RUBCN: variants seen among roughly 807,000 people sequenced by gnomAD.
The protein encoded by RUBCN is rubicon autophagy regulator, also known as run domain Beclin-1-interacting and cysteine-rich domain-containing protein.
Under a neutral mutation model 113.2 loss-of-function variants are expected in RUBCN, and 74 were observed. The observed-to-expected ratio is 0.65, with a 90% CI of 0.54 to 0.79. The LOEUF is 0.79. Among genes scored for constraint, RUBCN ranks in the 30% least tolerant of loss-of-function variants. The pLI, the probability that RUBCN is intolerant of heterozygous loss-of-function variation, is 0.00. For synonymous variants in RUBCN, 480 were observed against 490.0 expected, an observed-to-expected ratio of 0.98 and a Z score of 0.27; for missense variants, 1,109 against 1,251.7, an observed-to-expected ratio of 0.89 and a Z score of 1.72.
chr3:197,719,787 C>T (rs777230848), intron 1 of RUBCN, among the ~76,000 whole-genome samples: 3 of 152,132 alleles, frequency 2.0e-5, no homozygotes, highest in Non-Finnish European at 4.4e-5. Flanking sequence ...ACATAGCTAC[C>T]GTATTTAGTG....
At position 197,675,122 on chromosome 3, in the gene RUBCN, G is replaced by A. The variant is rs766142943; in HGVS notation, c.2815C>T (p.Arg939Trp). 2.5e-6 allele frequency: 4 copies of A among 1,613,786 alleles called. No homozygotes were observed. The highest frequency in any genetic ancestry group is 3.4e-6 in the Non-Finnish European group (4 of 1,180,032). ...CPRCERLQAR[R>W]EALARQSLES... is the part of the protein sequence containing the mutation. ...AGGCTCTGCCTGGCCAGTGCCTCCC[G>A]CCGGGCCTGCAGCCGCTCGCAGCGC... The change falls in exon 20 of 20, where the codon CGG (arginine) becomes TGG (tryptophan). Residue 939 changes from arginine (R) to tryptophan (W), a missense_variant. Coordinates refer to ENST00000296343, the MANE Select transcript of RUBCN (RefSeq NM_014687.4). The surrounding 1 kb of genome is among the most constrained non-coding windows in gnomAD (Gnocchi z 4.4).
At chr3:197,730,862 TTTTTTTCATATTTTAAAAGCATC>T (rs1560471224) in intron 1 of RUBCN, among the ~76,000 whole-genome samples, 3 of 151,072 alleles carry the variant, frequency 2.0e-5, no homozygotes, top group African/African-American at 7.3e-5. Context: ...AAAATATCTT[TTTTTTTCATATTTTAAAAGCATC>T]TTTTTTTTTT....
Position 197,682,416 on chromosome 3 carries a change from C to T in RUBCN, c.2126+54G>A, listed in dbSNP as rs924497576. 11 of 1,608,774 alleles carry T rather than the reference C, an allele frequency of 6.8e-6. No homozygotes were observed. The African/African-American group carries it at 8.0e-5, about 12-fold the overall frequency. On this transcript the variant is annotated intron_variant, in intron 14 of 19. Coordinates refer to ENST00000296343, the MANE Select transcript of RUBCN (RefSeq NM_014687.4). Reference sequence around the variant, plus strand: ...CAAGTGGGTGAGACGAAAACCCTGACAATCCAAAGAGGACGGATCTGTGCT... The same window carrying T: ...CAAGTGGGTGAGACGAAAACCCTGATAATCCAAAGAGGACGGATCTGTGCT...
rs896268369 is a variant in RUBCN at position 197,694,498 on chromosome 3, C to T, written c.1561G>A (p.Glu521Lys). 3 of 1,614,122 alleles carry T rather than the reference C, an allele frequency of 1.9e-6. No individual in the cohort carries two copies. The highest frequency in any genetic ancestry group is 2.5e-6 in the Non-Finnish European group (3 of 1,180,040). The change falls in exon 10 of 20, where the codon GAG becomes AAG. Residue 521 changes from glutamate (E) to lysine (K), a missense_variant. Coordinates refer to ENST00000296343, the MANE Select transcript of RUBCN (RefSeq NM_014687.4). ...TCACTGTCTTCCTCTTCCACTTCCT[C>T]CTCCTCTAGGCACTGGCTCATCATG... Reference protein sequence around the residue: ...CNMMSQCLEEEEVEEEDSDRE... With the variant: ...CNMMSQCLEEKEVEEEDSDRE...
At chr3:197,741,052 G>A (rs1728507200), upstream of RUBCN, among the ~76,000 whole-genome samples, 1 of 152,168 alleles carries the variant, frequency 6.6e-6, no homozygotes, top group Non-Finnish European at 1.5e-5. Flanking sequence ...GGATATATGG[G>A]TATTCATTGC....
At chr3:197,744,623 A>T (rs1728662913) in intron 1 of RUBCN, among the ~76,000 whole-genome samples, 1 of 152,244 alleles carries the variant, frequency 6.6e-6, no homozygotes, top group Non-Finnish European at 1.5e-5. Context: ...TACTCCAATT[A>T]AACATGATAC....
chr3:197,684,207 G>A lies in RUBCN; in HGVS notation c.1797C>T (p.Ile599=). 1 of 1,613,556 alleles carries A rather than the reference G, an allele frequency of 6.2e-7. No individual in the cohort carries two copies. Among genetic ancestry groups the A allele is most frequent in the Non-Finnish European group, 8.5e-7 (1 of 1,179,496 alleles). Residue 599 remains isoleucine (I), a synonymous_variant, in exon 12 of 20, where the codon ATC becomes ATT. Transcript: ENST00000296343. ...TGCTGCTTGAGGCTGTGTTCCTTCT[G>A]ATGTCAGCATCTACATGGAAACCAG... ...VDEFEIQDAD[I]RRNTASSSKS... is the part of the protein sequence containing the mutation.
chr3:197,700,577 T>C, intron 7 of RUBCN, 36 bp downstream of exon 7: 2 of 1,610,934 alleles, frequency 1.2e-6, no homozygotes, highest in Non-Finnish European at 1.7e-6. Flanking sequence ...CAATTCAGGG[T>C]CATCTTGCTA....
chr3:197,723,064 T>C (rs1726343757), intron 1 of RUBCN, among the ~76,000 whole-genome samples: 1 of 152,222 alleles, frequency 6.6e-6, no homozygotes, highest in Non-Finnish European at 1.5e-5. Context: ...TTTTCTCTAG[T>C]AGTGTGCTTT....
intron 9 of RUBCN, 50 bp downstream of exon 9, chr3:197,695,816 G>T: frequency 1.3e-6 from 2 of 1,529,348 alleles, no homozygotes; most frequent in Non-Finnish European, 9.1e-7. Flanking sequence ...CAGACCTTCA[G>T]ACCCAATCTC....
chr3:197,742,943 G>T (rs1728585789), intron 1 of RUBCN, among the ~76,000 whole-genome samples: 1 of 152,220 alleles, frequency 6.6e-6, no homozygotes, highest in African/African-American at 2.4e-5. Context: ...AGTCAATCTA[G>T]AACCCCTGGT....
chr3:197,696,971 G>A lies in RUBCN; in HGVS notation c.1340C>T (p.Ser447Phe), dbSNP rs1380812927. Reference sequence around the variant, plus strand: ...GTACTCACCATATTCCATGTACAGAGAGCTGGGTGTGCTGACTTCACTGCT... The same window carrying A: ...GTACTCACCATATTCCATGTACAGAAAGCTGGGTGTGCTGACTTCACTGCT... ...GQSSEVSTPS[S>F]LYMEYEGGRY... Residue 447 changes from serine to phenylalanine, a missense_variant, in exon 8 of 20, where the codon TCT becomes TTT. Ser to Phe is a radical substitution (Grantham distance 155). Around this residue, in one of 3 missense-constraint regions of RUBCN, gnomAD observed 736 missense variants for 779.6 expected, o/e 0.94. Coordinates refer to ENST00000296343, the MANE Select transcript of RUBCN (RefSeq NM_014687.4). 6.3e-7 allele frequency: 1 copy of A among 1,599,446 alleles called. No individual in the cohort carries two copies. The highest frequency in any genetic ancestry group is 1.7e-5 in the Admixed American group (1 of 59,992).
intron 11 of RUBCN, among the ~76,000 whole-genome samples, chr3:197,685,352 C>T (rs1047716152): frequency 3.9e-5 from 6 of 152,144 alleles, no homozygotes; most frequent in South Asian, 2.1e-4. Context: ...GACACAATGA[C>T]CAATCTACCA....
At chr3:197,741,801 C>T (rs1728534508), upstream of RUBCN, among the ~76,000 whole-genome samples, 1 of 151,374 alleles carries the variant, frequency 6.6e-6, no homozygotes, top group South Asian at 2.1e-4. Context: ...CCAGAGATTG[C>T]ACCACTGCAA....
intron 11 of RUBCN, among the ~76,000 whole-genome samples, chr3:197,686,675 G>A (rs1004322852): frequency 2.0e-5 from 3 of 152,254 alleles, no homozygotes; most frequent in Non-Finnish European, 4.4e-5. Flanking sequence ...TGCCCATCTG[G>A]ATGGATTCAA....
chr3:197,674,947 G>A lies in RUBCN; in HGVS notation c.*71C>T, dbSNP rs1720178426. On this transcript the variant is annotated 3_prime_UTR_variant, in exon 20 of 20. Coordinates refer to ENST00000296343, the MANE Select transcript of RUBCN (RefSeq NM_014687.4). ...AAAAAAGAAGCCCCAGGTGGGGCGA[G>A]TCCTTCAAAGAGTGGCTCAGTTCTG... 5 of 1,319,750 alleles carry A rather than the reference G, an allele frequency of 3.8e-6. No homozygotes were observed. Among genetic ancestry groups the A allele is most frequent in the Non-Finnish European group, 5.2e-6 (5 of 952,426 alleles). 81.8% of individuals were successfully genotyped at this position (1,319,750 alleles called of 1,614,324 possible). A position where few individuals can be genotyped will look rare whatever the true frequency, so the allele number is the denominator to read the frequency against.
chr3:197,725,022 A>T (rs1726581841), intron 1 of RUBCN, among the ~76,000 whole-genome samples: 1 of 152,154 alleles, frequency 6.6e-6, no homozygotes, highest in Non-Finnish European at 1.5e-5. Context: ...CTACAAAAAA[A>T]CTAAAAAAAT....
At chr3:197,713,789 T>C (rs1047532091) in intron 2 of RUBCN, among the ~76,000 whole-genome samples, 22 of 151,722 alleles carry the variant, frequency 1.5e-4, no homozygotes, top group African/African-American at 5.3e-4. Context: ...TAAAAAAAAT[T>C]CCAGGCCAGG....
At chr3:197,678,889 G>A (rs1210454306) in intron 16 of RUBCN, among the ~76,000 whole-genome samples, 1 of 146,728 alleles carries the variant, frequency 6.8e-6, no homozygotes, top group Non-Finnish European at 1.5e-5. Flanking sequence ...ACTGGCTCCA[G>A]ACTGTCCTAC....
Sources: allele counts gnomAD v4.1 joint callset (sites outside exome capture counted in the v4.1 genomes callset), GRCh38; gene constraint gnomAD v4.1.1; regional missense constraint gnomAD v4.1.1; non-coding constraint Gnocchi (gnomAD v3.1); transcripts MANE v1.5; gene names NCBI Gene and HGNC (gene_info 2026-07-23, HGNC 2026-07-21).